The following DAB2 variants were observed in gnomAD, a reference collection of about 807,000 sequenced individuals.
DAB2 encodes disabled homolog 2.
In DAB2, 28 loss-of-function variants were observed where a neutral mutation model predicts 71.6. The observed-to-expected ratio is 0.39, with a 90% confidence interval of 0.29 to 0.54. The LOEUF is 0.54. Among genes scored for constraint, DAB2 ranks in the 20% least tolerant of loss-of-function variants. The pLI, the probability that DAB2 is intolerant of heterozygous loss-of-function variation, is 0.68. For missense variants in DAB2, 867 were observed against 928.8 expected (o/e 0.93, Z 0.86); for synonymous variants, 345 against 339.7 (o/e 1.02, Z -0.17).
intron 1 of DAB2, among the ~76,000 whole-genome samples, chr5:39,420,310 G>A (rs149213605): frequency 3.3e-4 from 51 of 152,306 alleles, no homozygotes; most frequent in African/African-American, 1.2e-3. Context: ...TTGCTAGGTA[G>A]CAATAGGGTA....
At chr5:39,389,283 G>A (rs1329956700) in intron 6 of DAB2, among the ~76,000 whole-genome samples, 160 bp from the exon 7 acceptor site, 1 of 151,988 alleles carries the variant, frequency 6.6e-6, no homozygotes, top group Non-Finnish European at 1.5e-5. Flanking sequence ...TCAATATAAG[G>A]TTTGAGTAGA....
intron 1 of DAB2, among the ~76,000 whole-genome samples, chr5:39,410,230 A>G (rs1755692591): frequency 6.6e-6 from 1 of 152,030 alleles, no homozygotes. Context: ...AGTCTTGACT[A>G]CTCCATTTAC....
rs1490372975 is a variant in DAB2 at position 39,389,881 on chromosome 5, C to T, written c.514G>A (p.Val172Ile). ...TTCTTTTCTTCTTCCTTTTTCTTTACATTATAGATAACTTGAAAAAGGTCT... is the reference window on the plus strand; with the variant it reads ...TTCTTTTCTTCTTCCTTTTTCTTTATATTATAGATAACTTGAAAAAGGTCT... Reference protein sequence around the residue: ...LKDLFQVIYNVKKKEEEKKKI... With the variant: ...LKDLFQVIYNIKKKEEEKKKI... The change falls in exon 6 of 15, where the codon GTA becomes ATA. Residue 172 changes from valine (V) to isoleucine (I), a missense_variant. Val to Ile is a conservative substitution (Grantham distance 29). Around this residue, in one of 2 missense-constraint regions of DAB2, gnomAD observed 740 missense variants for 734.3 expected, o/e 1.01. Transcript: ENST00000320816. The T allele has an allele frequency of 1.9e-6, 3 of 1,591,872 alleles. No homozygotes were observed. The highest frequency in any genetic ancestry group is 1.7e-4 in the Middle Eastern group (1 of 5,974).
At chr5:39,417,823 C>T (rs1207275708) in intron 1 of DAB2, 2 of 152,176 alleles carry the variant, frequency 1.3e-5, no homozygotes, top group Non-Finnish European at 2.9e-5. Context: ...ATTTCTGCAT[C>T]AAGCTATCCT....
At position 39,376,714 on chromosome 5, in the gene DAB2, G is replaced by A; in HGVS notation, c.2073C>T (p.Gly691=). The change falls in exon 12 of 15, where the codon GGC becomes GGT. Residue 691 remains glycine, a synonymous_variant. Coordinates refer to ENST00000320816, the MANE Select transcript of DAB2 (RefSeq NM_001343.4). ...AFASYFNSKV[G]IPQENADHDD... is the part of the protein sequence containing the mutation. ...CATGGTCTGCATTCTCCTGAGGAAT[G>A]CCAACCTTGCTGTTGAAATAACTGG... 6.2e-7 allele frequency: 1 copy of A among 1,614,134 alleles called. No homozygotes were observed. The highest frequency in any genetic ancestry group is 8.5e-7 in the Non-Finnish European group (1 of 1,180,012).
At chr5:39,377,886 A>T (rs1476961960) in intron 11 of DAB2, among the ~76,000 whole-genome samples, 2 of 152,212 alleles carry the variant, frequency 1.3e-5, no homozygotes, top group African/African-American at 4.8e-5. Flanking sequence ...GCCAAGACTG[A>T]TACAGCTATA....
chr5:39,422,881 A>G lies in DAB2; in HGVS notation c.-102+1923T>C, dbSNP rs1433393087. ...GACTTCCAGTTTAATCTGAAACTAT[A>G]AAAGTCTTTAGCAGAAACACAAACT... On this transcript the variant is annotated intron_variant, in intron 1 of 14. Transcript: ENST00000320816. This position sits in a 1 kb window ranked among gnomAD's most constrained non-coding sequence, Gnocchi z 4.1. 6.6e-6 allele frequency among the ~76,000 whole-genome samples: 1 copy of G among 152,228 alleles called. No individual in the cohort carries two copies. Among genetic ancestry groups the G allele is most frequent in the East Asian group, 1.9e-4 (1 of 5,200 alleles).
intron 1 of DAB2, among the ~76,000 whole-genome samples, chr5:39,397,056 G>C (rs1167315185): frequency 2.6e-5 from 4 of 152,222 alleles, no homozygotes; most frequent in Non-Finnish European, 5.9e-5. Context: ...AGCTGGTGAA[G>C]GGACTCGGAC....
intron 1 of DAB2, among the ~76,000 whole-genome samples, chr5:39,403,521 T>G (rs1349393105): frequency 6.6e-6 from 1 of 152,130 alleles, no homozygotes; most frequent in African/African-American, 2.4e-5. Flanking sequence ...AAAAAGGATC[T>G]TACATGGTCT....
chr5:39,381,410 C>A (rs778397312), intron 11 of DAB2, 44 bp downstream of exon 11: 1 of 1,583,208 alleles, frequency 6.3e-7, no homozygotes, highest in East Asian at 2.2e-5. Flanking sequence ...ATTTTATGAG[C>A]AAAAGCAAAA....
intron 13 of DAB2, among the ~76,000 whole-genome samples, chr5:39,375,395 T>C (rs935029283): frequency 4.6e-5 from 7 of 152,196 alleles, no homozygotes; most frequent in African/African-American, 1.7e-4. Context: ...CAAGACAGTA[T>C]TTTGGCTCAA....
Position 39,404,826 on chromosome 5 carries a change from G to A in DAB2, c.-101-10405C>T, listed in dbSNP as rs80070576. On this transcript the variant is annotated intron_variant, in intron 1 of 14. Transcript: ENST00000320816. ...ACTCCTGGCCTTAGGCAATCCACCC[G>A]CCTCGGCCTCCCAAAGTGCTGGGAT... 4.5e-4 allele frequency among the ~76,000 whole-genome samples: 68 copies of A among 152,258 alleles called. No individual in the cohort carries two copies. The East Asian group carries it at 8.3e-3, about 19-fold the overall frequency.
intron 6 of DAB2, 147 bp from the exon 7 acceptor site, chr5:39,389,270 A>G (rs1755168511): frequency 3.4e-6 from 2 of 583,314 alleles, no homozygotes; most frequent in South Asian, 2.4e-5. Flanking sequence ...TCCCCTTTTC[A>G]TATCAATATA....
At chr5:39,399,170 G>A (rs1193759368) in intron 1 of DAB2, among the ~76,000 whole-genome samples, 1 of 152,174 alleles carries the variant, frequency 6.6e-6, no homozygotes, top group East Asian at 1.9e-4. Flanking sequence ...AGTGAGTGCA[G>A]CACAAGGAGG....
intron 1 of DAB2, among the ~76,000 whole-genome samples, chr5:39,394,960 G>A (rs1488646130): frequency 6.6e-6 from 1 of 152,156 alleles, no homozygotes; most frequent in East Asian, 1.9e-4. Context: ...GGTTATCCAA[G>A]CACTATAAAA....
chr5:39,393,077 A>G (rs537026215), intron 3 of DAB2, among the ~76,000 whole-genome samples, 177 bp downstream of exon 3: 2 of 152,256 alleles, frequency 1.3e-5, no homozygotes, highest in Admixed American at 1.3e-4. Flanking sequence ...TATCTAGGAC[A>G]TCCCTCCAAA....
chr5:39,408,744 T>C (rs1172805538), intron 1 of DAB2: 3 of 152,212 alleles, frequency 2.0e-5, no homozygotes, highest in Non-Finnish European at 2.9e-5. Context: ...AATTTCAGGT[T>C]TGCAGAGAAC....
At chr5:39,380,901 A>G (rs1754965957) in intron 11 of DAB2, among the ~76,000 whole-genome samples, 1 of 152,182 alleles carries the variant, frequency 6.6e-6, no homozygotes, top group Non-Finnish European at 1.5e-5. Context: ...TCAGAGACTG[A>G]TCAGGATGTG....
At chr5:39,392,545 G>T in intron 3 of DAB2, 82 bp from the exon 4 acceptor site, 1 of 1,083,602 alleles carries the variant, frequency 9.2e-7, no homozygotes, top group South Asian at 1.3e-5. Context: ...TTCAAAGTCA[G>T]TCAGCTTTGT....
Sources: gnomAD v4.1 joint callset for allele counts (sites outside exome capture counted in the v4.1 genomes callset) on GRCh38, gnomAD v4.1.1 for gene constraint, gnomAD v4.1.1 regional missense constraint, Gnocchi (gnomAD v3.1) non-coding constraint, MANE v1.5 for transcripts, NCBI Gene and HGNC (gene_info 2026-07-23, HGNC 2026-07-21) for gene names.